ABCA7: variants seen among roughly 807,000 people sequenced by gnomAD.
ABCA7 encodes phospholipid-transporting ATPase ABCA7.
ABCA7 carries 261 observed loss-of-function variants against 227.6 expected under a neutral mutation model. The ratio of observed to expected loss-of-function variants is 1.15; its 90% CI spans 1.04 to 1.27. The LOEUF is 1.27. Ranked by LOEUF, ABCA7 falls within the 50% of genes most tolerant of loss-of-function variation. ABCA7 has a pLI of 0.00. For synonymous variants in ABCA7, 1,488 were observed against 1,279.7 expected (o/e 1.16, Z -3.47); for missense variants, 3,331 against 2,924.5 (o/e 1.14, Z -3.21).
rs374686104 is a variant in ABCA7, at chr19:1,054,671, C to G, written c.3828C>G (p.Tyr1276Ter). Residue 1276 changes from tyrosine to a stop codon, truncating the protein, a stop_gained, in exon 28 of 47, where the codon TAC becomes TAG. Coordinates refer to ENST00000263094, the MANE Select transcript of ABCA7 (RefSeq NM_019112.4). LOFTEE classifies it high-confidence loss of function. This position sits in a 1 kb window ranked among gnomAD's most constrained non-coding sequence, Gnocchi z 4.8. ...CTCTGCGGCTCAGTCCCACCATGTA[C>G]GGTGCTCAGGTGTCCTTCTTCAGGT... Reference protein sequence around the residue: ...YPALRLSPTMYGAQVSFFSED... With the variant: ...YPALRLSPTM The G allele has an allele frequency of 3.7e-6, 6 of 1,613,200 alleles. No individual in the cohort carries two copies. Among genetic ancestry groups the G allele is most frequent in the Non-Finnish European group, 5.1e-6 (6 of 1,179,786 alleles).
At position 1,057,340 on chromosome 19, in the gene ABCA7, C is replaced by T. The variant is rs141385605; in HGVS notation, c.4791C>T (p.Ile1597=). The T allele has an allele frequency of 8.7e-5, 140 of 1,613,966 alleles. No individual in the cohort carries two copies. The African/African-American group carries it at 1.5e-3, about 18-fold the overall frequency. ...DMCNYLVPAC[I]VVLIFLAFQQ... ...GTAACTACTTGGTGCCAGCATGCATCGTGGTGCTCATCTTTCTGGCCTTCC... is the reference window on the plus strand; with the variant it reads ...GTAACTACTTGGTGCCAGCATGCATTGTGGTGCTCATCTTTCTGGCCTTCC... The change falls in exon 35 of 47, where the codon ATC becomes ATT. Residue 1597 remains isoleucine, a synonymous_variant. Coordinates refer to ENST00000263094, the MANE Select transcript of ABCA7 (RefSeq NM_019112.4).
At chr19:1,061,929 C>T (rs754552968) in intron 41 of ABCA7, 41 bp downstream of exon 41, 3 of 1,526,010 alleles carry the variant, frequency 2.0e-6, no homozygotes, top group Admixed American at 2.1e-5. Context: ...GCAGGGTTGG[C>T]CCTGACGTCC....
rs752258561 is a variant in ABCA7 at position 1,053,850 on chromosome 19, TCCCTGAC to T, written c.3472+25_3472+31del. On this transcript the variant is annotated intron_variant, in intron 25 of 46. Transcript: ENST00000263094. ...CAGATATGGAGGGTGCGGCCACAGC[TCCCTGAC>T]CCCTGACCCCAGTCCAGAGTGGGAC... 6.2e-7 allele frequency: 1 copy of T among 1,607,936 alleles called. No homozygotes were observed. The highest frequency in any genetic ancestry group is 1.3e-5 in the African/African-American group (1 of 74,730).
intron 23 of ABCA7, 140 bp from the exon 24 acceptor site, chr19:1,053,189 G>A (rs925466746): frequency 1.4e-5 from 12 of 863,086 alleles, no homozygotes; most frequent in African/African-American, 5.1e-5. Context: ...CACTGCGCCC[G>A]GCCGCACCTG....
At chr19:1,044,917 C>G in intron 11 of ABCA7, 85 bp from the exon 12 acceptor site, 2 of 1,539,598 alleles carry the variant, frequency 1.3e-6, no homozygotes, top group South Asian at 2.4e-5. Flanking sequence ...AAACATGGCC[C>G]AGCCCCGAGG....
chr19:1,044,468 G>A (rs536784908), intron 10 of ABCA7, 109 bp from the exon 11 acceptor site: 13 of 1,344,164 alleles, frequency 9.7e-6, no homozygotes, highest in African/African-American at 7.3e-5. Context: ...GGCTGGTCTC[G>A]AACTCCTGAC....
intron 44 of ABCA7, 64 bp from the exon 45 acceptor site, chr19:1,064,097 G>A: frequency 6.8e-7 from 1 of 1,472,602 alleles, no homozygotes. Context: ...GGGGAAGCAG[G>A]CAGTGTGGCG....
At chr19:1,047,422 G>C in intron 15 of ABCA7, 31 bp from the exon 16 acceptor site, 2 of 1,538,164 alleles carry the variant, frequency 1.3e-6, no homozygotes, top group Non-Finnish European at 1.7e-6. Context: ...CCCCCGCTTC[G>C]GCCGCTCACT....
rs2040024379 is a variant in ABCA7, at chr19:1,041,439, G to C, written c.66+12G>C. On this transcript the variant is annotated intron_variant, in intron 2 of 46. Transcript: ENST00000263094. ...GCCGGAGACAGCCGGTAACGCCCCA[G>C]TGTGAGACCAGGGCCGGGTGGGCAG... 1 of 1,614,010 alleles carries C rather than the reference G, an allele frequency of 6.2e-7. No homozygotes were observed. Among genetic ancestry groups the C allele is most frequent in the African/African-American group, 1.3e-5 (1 of 75,042 alleles).
chr19:1,049,460 C>G (rs1328301164), intron 18 of ABCA7, 23 bp downstream of exon 18: 2 of 1,464,712 alleles, frequency 1.4e-6, no homozygotes, highest in Middle Eastern at 2.2e-4. Context: ...CCACTCCCTC[C>G]CCGTGAGCCC....
intron 3 of ABCA7, 56 bp from the exon 4 acceptor site, chr19:1,041,775 T>C: frequency 6.3e-7 from 1 of 1,595,966 alleles, no homozygotes; most frequent in Non-Finnish European, 8.5e-7. Flanking sequence ...GGCGACCCGA[T>C]GGGGGTGGAG....
In ABCA7 at chr19:1,044,742, G is replaced by A. The variant is rs2040432760; in HGVS notation, c.1213G>A (p.Glu405Lys). Residue 405 changes from glutamate (E) to lysine (K), a missense_variant and splice_region_variant, in exon 11 of 47, where the codon GAG becomes AAG. Physicochemically the swap from Glu to Lys is moderately conservative, Grantham distance 56. Coordinates refer to ENST00000263094, the MANE Select transcript of ABCA7 (RefSeq NM_019112.4). ...HLVGTLGRVT[E>K]CLSLDKLEAA... ...GGTGGGCACGCTGGGCCGAGTGACG[G>A]AGGTGAGGGCCTGTCCACCTGCGGG... The A allele has an allele frequency of 1.2e-6, 2 of 1,604,286 alleles. No individual in the cohort carries two copies. The highest frequency in any genetic ancestry group is 1.7e-6 in the Non-Finnish European group (2 of 1,176,784).
At chr19:1,040,738 G>A (rs1002532218) in intron 1 of ABCA7, among the ~76,000 whole-genome samples, 1 of 152,116 alleles carries the variant, frequency 6.6e-6, no homozygotes, top group Non-Finnish European at 1.5e-5. Flanking sequence ...GCTACATAAG[G>A]TGTGGGCAGA....
intron 44 of ABCA7, 87 bp from the exon 45 acceptor site, chr19:1,064,074 G>A: frequency 7.0e-7 from 1 of 1,421,488 alleles, no homozygotes. Context: ...CACCAGAAGG[G>A]TGGCCCAGGC....
In ABCA7 at chr19:1,065,008, A is replaced by C. The variant is rs574674874; in HGVS notation, c.6122A>C (p.Glu2041Ala). Residue 2041 changes from glutamate to alanine, a missense_variant, in exon 46 of 47, where the codon GAG becomes GCG. Physicochemically the swap from Glu to Ala is moderately radical, Grantham distance 107. Transcript: ENST00000263094. ...CCGGCAGCGGCCTTCGTGGCGGCCGAGTTCCCTGGGGCGGAGCTGCGCGAG... is the reference window on the plus strand; with the variant it reads ...CCGGCAGCGGCCTTCGTGGCGGCCGCGTTCCCTGGGGCGGAGCTGCGCGAG... ...SQPAAAFVAAEFPGAELREAH... is the reference protein window; with the variant it reads ...SQPAAAFVAAAFPGAELREAH... 4.9e-5 allele frequency: 76 copies of C among 1,556,838 alleles called. No homozygotes were observed. The Admixed American group carries it at 5.4e-4, about 11-fold the overall frequency.
chr19:1,062,227 G>T lies in ABCA7; in HGVS notation c.5626G>T (p.Asp1876Tyr), dbSNP rs772327273. Reference protein sequence around the residue: ...HLSMGYCPQSDAIFELLTGRE... With the variant: ...HLSMGYCPQSYAIFELLTGRE... ...CAGCATGGGATACTGCCCTCAATCCGATGCCATCTTTGAGCTGCTGACGGG... is the reference window on the plus strand; with the variant it reads ...CAGCATGGGATACTGCCCTCAATCCTATGCCATCTTTGAGCTGCTGACGGG... Residue 1876 changes from aspartate (D) to tyrosine (Y), a missense_variant, in exon 42 of 47, where the codon GAT becomes TAT. Asp to Tyr is a radical substitution (Grantham distance 160). Transcript: ENST00000263094. 1 of 1,612,324 alleles carries T rather than the reference G, an allele frequency of 6.2e-7. No individual in the cohort carries two copies. The highest frequency in any genetic ancestry group is 8.5e-7 in the Non-Finnish European group (1 of 1,179,794).
intron 22 of ABCA7, 27 bp downstream of exon 22, chr19:1,052,153 T>C (rs762407596): frequency 1.2e-6 from 2 of 1,610,060 alleles, no homozygotes; most frequent in African/African-American, 2.7e-5. Flanking sequence ...TCCTGACCCC[T>C]GACCCCCGGG....
rs375114265 is a variant in ABCA7, at chr19:1,064,248, G to A, written c.6039G>A (p.Lys2013=). 72 of 1,561,332 alleles carry A rather than the reference G, an allele frequency of 4.6e-5. No homozygotes were observed. The Admixed American group carries it at 9.3e-4, about 20-fold the overall frequency. The change falls in exon 45 of 47, where the codon AAG becomes AAA. Residue 2013 remains lysine (K), a synonymous_variant. Coordinates refer to ENST00000263094, the MANE Select transcript of ABCA7 (RefSeq NM_019112.4). ...FRCLGSPQHL[K]GRFAAGHTLT... ...GCCTGGGCAGCCCGCAACATCTCAA[G>A]GGCAGGTGAGCCGGCGCGGCCTCCA...
At position 1,043,809 on chromosome 19, in the gene ABCA7, A is replaced by C; in HGVS notation, c.1015A>C (p.Met339Leu). The part of the protein sequence containing the change: ...EMLGPRIFTF[M>L]NDSSNVAMLQ... ...GCTGGGACCCCGGATCTTCACCTTCATGAACGACAGTTCCAATGTGGCCAT... is the reference window on the plus strand; with the variant it reads ...GCTGGGACCCCGGATCTTCACCTTCCTGAACGACAGTTCCAATGTGGCCAT... Residue 339 changes from methionine (M) to leucine (L), a missense_variant, in exon 10 of 47, where the codon ATG becomes CTG. Transcript: ENST00000263094. 6.2e-7 allele frequency: 1 copy of C among 1,612,850 alleles called. No individual in the cohort carries two copies. The highest frequency in any genetic ancestry group is 1.3e-5 in the African/African-American group (1 of 74,882).
Sources: gnomAD v4.1 joint callset for allele counts (sites outside exome capture counted in the v4.1 genomes callset) on GRCh38, gnomAD v4.1.1 for gene constraint, Gnocchi (gnomAD v3.1) non-coding constraint, MANE v1.5 for transcripts, NCBI Gene and HGNC (gene_info 2026-07-23, HGNC 2026-07-21) for gene names.